NRCAM: variants seen among roughly 807,000 people sequenced by gnomAD.
The protein encoded by NRCAM is neuronal cell adhesion molecule, also known as NgCAM-related cell adhesion molecule.
NRCAM carries 83 observed loss-of-function variants against 156.5 expected under a neutral mutation model. That is an observed-to-expected ratio of 0.53 (90% CI 0.44 to 0.64). NRCAM has a LOEUF of 0.64. Ranked by LOEUF, NRCAM falls within the 30% of genes least tolerant of loss-of-function variation. The pLI, the probability that NRCAM is intolerant of heterozygous loss-of-function variation, is 0.00. For missense variants in NRCAM, 1,417 were observed against 1,597.3 expected (o/e 0.89, Z 1.92); for synonymous variants, 538 against 563.9 (o/e 0.95, Z 0.65).
chr7:108,267,302 G>A lies in NRCAM; in HGVS notation c.-106-27132C>T, dbSNP rs80266611. ...CAAGATGTGTGATTAGAACTATAGA[G>A]AATTTTCTCCCAAGAATCCTTTGAT... is the stretch of plus-strand genomic sequence containing the variant. On this transcript the variant is annotated intron_variant, in intron 3 of 32. Transcript: ENST00000379028. 6.3e-3 allele frequency among the ~76,000 whole-genome samples: 967 copies of A among 152,302 alleles called. 4 individuals carry two copies. The highest frequency in any genetic ancestry group is 0.011 in the Non-Finnish European group (762 of 68,022).
At chr7:108,387,637 C>T (rs963210070) in intron 2 of NRCAM, among the ~76,000 whole-genome samples, 4 of 152,096 alleles carry the variant, frequency 2.6e-5, no homozygotes, top group Non-Finnish European at 5.9e-5. Context: ...CATATGTATA[C>T]ATGTGCCATG....
intron 1 of NRCAM, among the ~76,000 whole-genome samples, chr7:108,421,584 A>G (rs1402941340): frequency 6.6e-6 from 1 of 152,220 alleles, no homozygotes; most frequent in Non-Finnish European, 1.5e-5. Flanking sequence ...CATCTTTCTC[A>G]TAAGATTACT....
chr7:108,208,585 C>T (rs1372356133), intron 12 of NRCAM, among the ~76,000 whole-genome samples: 3 of 152,128 alleles, frequency 2.0e-5, no homozygotes, highest in Admixed American at 6.6e-5. Context: ...TCCTAGACAC[C>T]GTATTTACTT....
At position 108,184,125 on chromosome 7, in the gene NRCAM, TATA is replaced by T. The variant is rs1409618791; in HGVS notation, c.2304+113_2304+115del. 1,444 of 562,602 alleles carry T rather than the reference TATA, an allele frequency of 2.6e-3. 21 individuals carry two copies. The African/African-American group carries it at 0.028, about 11-fold the overall frequency. The allele number at this position is 562,602 out of a possible 1,614,324, so 34.9% of individuals were successfully genotyped here. On this transcript the variant is annotated intron_variant, in intron 22 of 32. Transcript: ENST00000379028. The stretch of plus-strand genomic sequence containing the variant: ...ATATATGTATCTTTATATATATATA[TATA>T]TTTTTTTTCCCCAGAAATAGGTGAA...
At chr7:108,268,997 A>G (rs2154031053) in intron 3 of NRCAM, among the ~76,000 whole-genome samples, 1 of 152,294 alleles carries the variant, frequency 6.6e-6, no homozygotes, top group South Asian at 2.1e-4. Context: ...GAGGCACAGT[A>G]TATGCAGGTT....
intron 2 of NRCAM, among the ~76,000 whole-genome samples, chr7:108,351,105 A>C (rs957127632): frequency 1.3e-5 from 2 of 152,186 alleles, no homozygotes; most frequent in African/African-American, 2.4e-5. Context: ...CACTGCTGAC[A>C]AGTGGGACCT....
At position 108,240,102 on chromosome 7, in the gene NRCAM, C is replaced by T. The variant is rs980915026; in HGVS notation, c.-38G>A. ...TGCTGAGACTCACACACTGAATTTC[C>T]TTTTCTTCTTTCACAAAAGATTTTG... On this transcript the variant is annotated 5_prime_UTR_variant, in exon 4 of 33. Transcript: ENST00000379028. The T allele has an allele frequency of 3.5e-6, 5 of 1,410,372 alleles. No individual in the cohort carries two copies. The Admixed American group carries it at 9.1e-5, about 26-fold the overall frequency. 87.4% of individuals were successfully genotyped at this position (1,410,372 alleles called of 1,614,324 possible). A position where few individuals can be genotyped will look rare whatever the true frequency, so the allele number is the denominator to read the frequency against.
chr7:108,323,420 C>G (rs1184870897), intron 2 of NRCAM, among the ~76,000 whole-genome samples: 3 of 152,206 alleles, frequency 2.0e-5, no homozygotes, highest in African/African-American at 7.2e-5. Flanking sequence ...CCTTCAGAAT[C>G]AGCTATCCAG....
At chr7:108,284,527 A>C (rs2154100140) in intron 3 of NRCAM, among the ~76,000 whole-genome samples, 1 of 152,212 alleles carries the variant, frequency 6.6e-6, no homozygotes, top group South Asian at 2.1e-4. Context: ...GTTAATGTTC[A>C]GACTTCCTAC....
chr7:108,441,963 A>G (rs1018564933), intron 1 of NRCAM, among the ~76,000 whole-genome samples: 2 of 152,268 alleles, frequency 1.3e-5, no homozygotes, highest in Non-Finnish European at 2.9e-5. Context: ...ATCATTCATT[A>G]AAGTGTTCCA....
chr7:108,397,767 C>T (rs1169337860), intron 2 of NRCAM, among the ~76,000 whole-genome samples: 2 of 152,302 alleles, frequency 1.3e-5, no homozygotes, highest in East Asian at 1.9e-4. Flanking sequence ...TGGAGAATAG[C>T]ACTGGCTTGT....
chr7:108,156,166 T>C, intron 32 of NRCAM: 1 of 290,926 alleles, frequency 3.4e-6, no homozygotes, highest in African/African-American at 2.3e-5. Context: ...AACTCTAATG[T>C]ATATAACGAA....
intron 2 of NRCAM, among the ~76,000 whole-genome samples, chr7:108,396,808 T>A (rs760191749): frequency 3.3e-5 from 5 of 152,240 alleles, no homozygotes; most frequent in Non-Finnish European, 7.3e-5. Context: ...TGATGTCTTT[T>A]TTAACTAGAA....
At chr7:108,204,624 T>C (rs1428430020) in intron 13 of NRCAM, among the ~76,000 whole-genome samples, 1 of 152,228 alleles carries the variant, frequency 6.6e-6, no homozygotes, top group Admixed American at 6.5e-5. Flanking sequence ...CTTGCTTTGC[T>C]GCCACACCAT....
At chr7:108,265,329 C>A (rs1324232963) in intron 3 of NRCAM, among the ~76,000 whole-genome samples, 1 of 152,206 alleles carries the variant, frequency 6.6e-6, no homozygotes, top group African/African-American at 2.4e-5. Context: ...TCACCCTTGA[C>A]TTCATGGTGA....
chr7:108,402,531 T>A (rs1055353859), intron 1 of NRCAM, among the ~76,000 whole-genome samples: 1 of 152,198 alleles, frequency 6.6e-6, no homozygotes, highest in African/African-American at 2.4e-5. Context: ...AACACAATTT[T>A]GGGAGACAGA....
intron 2 of NRCAM, among the ~76,000 whole-genome samples, chr7:108,361,893 GC>G (rs2099554456): frequency 7.5e-6 from 1 of 133,612 alleles, no homozygotes; most frequent in Non-Finnish European, 1.7e-5. Flanking sequence ...CCTCCTATTG[GC>G]CTTACTTCTC....
At chr7:108,217,243 G>C (rs1345843168) in intron 11 of NRCAM, among the ~76,000 whole-genome samples, 1 of 152,258 alleles carries the variant, frequency 6.6e-6, no homozygotes, top group African/African-American at 2.4e-5. Context: ...GGTATCACCA[G>C]CGAAGGCTGC....
Position 108,181,774 on chromosome 7 carries a change from G to A in NRCAM, c.2646+48C>T, listed in dbSNP as rs200357679. 183 of 1,295,376 alleles carry A rather than the reference G, an allele frequency of 1.4e-4. 1 individual carries two copies. The East Asian group carries it at 3.8e-3, about 27-fold the overall frequency. The allele number at this position is 1,295,376 out of a possible 1,614,324, so 80.2% of individuals were successfully genotyped here. On this transcript the variant is annotated intron_variant, in intron 24 of 32. Coordinates refer to ENST00000379028, the MANE Select transcript of NRCAM (RefSeq NM_001037132.4). ...GTGGTATGCATGACAAGTGGCATTCGCTGCAGCCCTTACTAAATAAAGCCA... is the reference window on the plus strand; with the variant it reads ...GTGGTATGCATGACAAGTGGCATTCACTGCAGCCCTTACTAAATAAAGCCA...
Sources: gnomAD v4.1 joint callset for allele counts (sites outside exome capture counted in the v4.1 genomes callset) on GRCh38, gnomAD v4.1.1 for gene constraint, MANE v1.5 for transcripts, NCBI Gene and HGNC (gene_info 2026-07-23, HGNC 2026-07-21) for gene names.